Variants in ZMPSTE24 observed in about 807,000 individuals in gnomAD.
The protein encoded by ZMPSTE24 is zinc metallopeptidase STE24.
ZMPSTE24 carries 48 observed loss-of-function variants against 56.7 expected under a neutral mutation model. That is an observed-to-expected ratio of 0.85 (90% CI 0.67 to 1.08). The LOEUF (loss-of-function observed/expected upper bound fraction) is 1.08. ZMPSTE24 is among the 50% of genes least tolerant of loss of function. The pLI is 0.00. For missense variants in ZMPSTE24, 503 were observed against 548.7 expected (o/e 0.92, Z 0.83); for synonymous variants, 172 against 195.2 (o/e 0.88, Z 0.99).
chr1:40,286,906 A>G (rs1223694594), intron 8 of ZMPSTE24, among the ~76,000 whole-genome samples: 1 of 148,238 alleles, frequency 6.7e-6, no homozygotes, highest in Non-Finnish European at 1.5e-5. Context: ...TTTTTTTTGT[A>G]TTTTTAGTAG....
chr1:40,279,963 A>G (rs1046566229), intron 6 of ZMPSTE24, among the ~76,000 whole-genome samples: 2 of 152,162 alleles, frequency 1.3e-5, no homozygotes, highest in Non-Finnish European at 2.9e-5. Context: ...CCGTTGTTCT[A>G]TAAAATCCAT....
At chr1:40,269,336 G>A (rs1557775301) in intron 4 of ZMPSTE24, among the ~76,000 whole-genome samples, 2 of 151,834 alleles carry the variant, frequency 1.3e-5, no homozygotes, top group Admixed American at 6.6e-5. Context: ...TTGAGGCTAC[G>A]GTGAGCCATC....
At chr1:40,272,132 GT>G (rs1309861105) in intron 6 of ZMPSTE24, 97 bp downstream of exon 6, 1 of 1,352,452 alleles carries the variant, frequency 7.4e-7, no homozygotes, top group African/African-American at 1.5e-5. Flanking sequence ...ATCAGTTTTT[GT>G]TTTTTTCTTT....
chr1:40,262,983 G>A, intron 2 of ZMPSTE24: 1 of 1,001,158 alleles, frequency 1.0e-6, no homozygotes, highest in Non-Finnish European at 1.2e-6. Context: ...AATTAGATGA[G>A]GTAGACACTA....
intron 2 of ZMPSTE24, among the ~76,000 whole-genome samples, chr1:40,261,942 C>G (rs1643502103): frequency 6.6e-6 from 1 of 152,170 alleles, no homozygotes; most frequent in Non-Finnish European, 1.5e-5. Flanking sequence ...ATCTCTTGAC[C>G]TCGTGATCTG....
chr1:40,261,447 G>A (rs559524459), intron 2 of ZMPSTE24, among the ~76,000 whole-genome samples: 16 of 151,080 alleles, frequency 1.1e-4, no homozygotes, highest in African/African-American at 3.6e-4. Context: ...CTTCCTAGGC[G>A]CAAATGATCC....
intron 1 of ZMPSTE24, among the ~76,000 whole-genome samples, chr1:40,258,742 C>A (rs1413569109): frequency 6.6e-6 from 1 of 152,182 alleles, no homozygotes; most frequent in African/African-American, 2.4e-5. Context: ...ACCCAACTTC[C>A]TCATGACATT....
At chr1:40,286,628 C>T (rs570359289) in intron 8 of ZMPSTE24, among the ~76,000 whole-genome samples, 1 of 151,832 alleles carries the variant, frequency 6.6e-6, no homozygotes, top group Non-Finnish European at 1.5e-5. Flanking sequence ...ACCATGTTGG[C>T]CAGGCTGGTC....
At chr1:40,269,603 A>G (rs1392201442) in intron 4 of ZMPSTE24, among the ~76,000 whole-genome samples, 2 of 151,910 alleles carry the variant, frequency 1.3e-5, no homozygotes, top group Non-Finnish European at 2.9e-5. Flanking sequence ...GGGACTATAG[A>G]TGAATTATAC....
rs116815137 is a variant in ZMPSTE24 at position 40,266,371 on chromosome 1, G to A, written c.271-1415G>A. Reference sequence around the variant, plus strand: ...TAAATTGATTCCTCTTGACAAATGAGTTCCACAAAGTTGTATGTGTTTTGG... The same window carrying A: ...TAAATTGATTCCTCTTGACAAATGAATTCCACAAAGTTGTATGTGTTTTGG... On this transcript the variant is annotated intron_variant, in intron 2 of 9. Transcript: ENST00000372759. Among the ~76,000 whole-genome samples the A allele has an allele frequency of 2.3e-3, 350 of 152,292 alleles. 1 individual carries two copies. Among genetic ancestry groups the A allele is most frequent in the African/African-American group, 7.2e-3 (300 of 41,558 alleles).
rs1643858174 is a variant in ZMPSTE24 at position 40,292,850 on chromosome 1, G to A, written c.*181G>A. The A allele has an allele frequency of 5.6e-6, 3 of 539,252 alleles. No homozygotes were observed. In the African/African-American group the frequency reaches 5.7e-5, roughly 10 times the overall value. 33.4% of individuals were successfully genotyped at this position (539,252 alleles called of 1,614,324 possible). Reference sequence around the variant, plus strand: ...TTAATAATTCATTTCTTAAAACACTGAATGAATTTTGAAGCTTAATGTTTT... The same window carrying A: ...TTAATAATTCATTTCTTAAAACACTAAATGAATTTTGAAGCTTAATGTTTT... On this transcript the variant is annotated 3_prime_UTR_variant, in exon 10 of 10. Coordinates refer to ENST00000372759, the MANE Select transcript of ZMPSTE24 (RefSeq NM_005857.5).
intron 6 of ZMPSTE24, among the ~76,000 whole-genome samples, chr1:40,273,456 G>T (rs1007377679): frequency 7.1e-6 from 1 of 140,898 alleles, no homozygotes; most frequent in Non-Finnish European, 1.5e-5. Flanking sequence ...GGTGGAGGTT[G>T]TGGTGAGCCA....
chr1:40,293,867 A>G lies in ZMPSTE24; in HGVS notation c.*1198A>G, dbSNP rs899358922. On this transcript the variant is annotated 3_prime_UTR_variant, in exon 10 of 10. Transcript: ENST00000372759. ...GTGCCTAGAGCTCTCACTCACTGAT[A>G]ATGCTTATTACCTTCTGGGCATTTA... 5 of 152,238 alleles carry G rather than the reference A, an allele frequency of 3.3e-5. No homozygotes were observed. Among genetic ancestry groups the G allele is most frequent in the Admixed American group, 3.3e-4 (5 of 15,268 alleles). 9.4% of individuals were successfully genotyped at this position (152,238 alleles called of 1,614,324 possible). A position where few individuals can be genotyped will look rare whatever the true frequency, so the allele number is the denominator to read the frequency against.
chr1:40,290,483 T>A lies in ZMPSTE24; in HGVS notation c.1060-371T>A, dbSNP rs183537009. Among the ~76,000 whole-genome samples the A allele has an allele frequency of 7.6e-3, 973 of 128,476 alleles. 4 individuals carry two copies. Among genetic ancestry groups the A allele is most frequent in the Middle Eastern group, 0.02 (5 of 250 alleles). The allele number at this position is 128,476 out of a possible 152,430, so 84.3% of individuals were successfully genotyped here. On this transcript the variant is annotated intron_variant, in intron 8 of 9. Coordinates refer to ENST00000372759, the MANE Select transcript of ZMPSTE24 (RefSeq NM_005857.5). ...TTTTTTTTTTTTTTTTTTTTTGAGA[T>A]GGAGTCTCACTCTGTTGCCCAGGCT...
chr1:40,272,075 T>A (rs746252618), intron 6 of ZMPSTE24, 40 bp downstream of exon 6: 69 of 1,540,698 alleles, frequency 4.5e-5, no homozygotes, highest in Non-Finnish European at 5.9e-5. Context: ...ATCCAAGTGG[T>A]TTGTTTTATT....
chr1:40,269,998 T>G lies in ZMPSTE24; in HGVS notation c.498T>G (p.Asp166Glu), dbSNP rs749183506. Residue 166 changes from aspartate to glutamate, a missense_variant, in exon 5 of 10, where the codon GAT becomes GAG. Transcript: ENST00000372759. ...AGACTTTGGGGTTCTTCATGAAAGA[T>G]GCAATCAAGAAATTTGTTGTGACTC... ...NQQTLGFFMK[D>E]AIKKFVVTQC... 6.2e-7 allele frequency: 1 copy of G among 1,613,690 alleles called. No individual in the cohort carries two copies. The highest frequency in any genetic ancestry group is 1.7e-5 in the Admixed American group (1 of 59,970).
chr1:40,260,917 C>G lies in ZMPSTE24; in HGVS notation c.202C>G (p.Arg68Gly). Reference protein sequence around the residue: ...IMDSETFEKSRLYQLDKSTFS... With the variant: ...IMDSETFEKSGLYQLDKSTFS... ...GGATTCTGAAACATTTGAGAAATCT[C>G]GACTCTATCAACTGGATAAAAGCAC... The change falls in exon 2 of 10, where the codon CGA becomes GGA. Residue 68 changes from arginine (R) to glycine (G), a missense_variant. Physicochemically the swap from Arg to Gly is moderately radical, Grantham distance 125 (BLOSUM62 -2). Coordinates refer to ENST00000372759, the MANE Select transcript of ZMPSTE24 (RefSeq NM_005857.5). The G allele has an allele frequency of 6.2e-7, 1 of 1,614,080 alleles. No individual in the cohort carries two copies. The highest frequency in any genetic ancestry group is 8.5e-7 in the Non-Finnish European group (1 of 1,179,968).
At chr1:40,283,715 G>A (rs2124591734) in intron 7 of ZMPSTE24, among the ~76,000 whole-genome samples, 2 of 152,062 alleles carry the variant, frequency 1.3e-5, no homozygotes, top group South Asian at 4.1e-4. Flanking sequence ...TCTGGAAATC[G>A]AGGTCCTATG....
chr1:40,263,324 G>A (rs1643517132), intron 2 of ZMPSTE24, among the ~76,000 whole-genome samples: 1 of 152,176 alleles, frequency 6.6e-6, no homozygotes. Flanking sequence ...GTTTTTATAT[G>A]TATTGTTTGA....
Sources: allele counts gnomAD v4.1 joint callset (sites outside exome capture counted in the v4.1 genomes callset), GRCh38; gene constraint gnomAD v4.1.1; transcripts MANE v1.5; gene names NCBI Gene and HGNC (gene_info 2026-07-23, HGNC 2026-07-21).